ADH4: variants seen among roughly 807,000 people sequenced by gnomAD.
ADH4 encodes all-trans-retinol dehydrogenase [NAD(+)] ADH4.
Under a neutral mutation model 35.2 loss-of-function variants are expected in ADH4, and 31 were observed. The ratio of observed to expected loss-of-function variants is 0.88; its 90% confidence interval spans 0.66 to 1.19. The LOEUF (loss-of-function observed/expected upper bound fraction) is 1.19, where lower values mean the gene tolerates loss of function less well. Among genes scored for constraint, ADH4 ranks in the 50% most tolerant of loss-of-function variants. The pLI is 0.00. For missense variants in ADH4, 476 were observed against 458.3 expected, an observed-to-expected ratio of 1.04 and a Z score of -0.35; for synonymous variants, 171 against 160.2, an observed-to-expected ratio of 1.07 and a Z score of -0.51.
intron 4 of ADH4, 67 bp downstream of exon 4, chr4:99,138,994 A>T: frequency 8.3e-7 from 1 of 1,206,068 alleles, no homozygotes; most frequent in Non-Finnish European, 1.2e-6. Context: ...CCATTTAGGT[A>T]ATGTCAATAT....
chr4:99,137,694 A>T (rs1250830990), intron 4 of ADH4, among the ~76,000 whole-genome samples: 1 of 152,140 alleles, frequency 6.6e-6, no homozygotes, highest in Non-Finnish European at 1.5e-5. Context: ...AGCATAATGA[A>T]CCCTTATGTG....
chr4:99,139,570 A>T (rs767473475), intron 3 of ADH4, among the ~76,000 whole-genome samples: 5 of 152,162 alleles, frequency 3.3e-5, no homozygotes, highest in Non-Finnish European at 7.4e-5. Flanking sequence ...TTCACTTTCA[A>T]ATTCCACATT....
At chr4:99,137,291 C>T (rs896407157) in intron 4 of ADH4, among the ~76,000 whole-genome samples, 2 of 152,074 alleles carry the variant, frequency 1.3e-5, no homozygotes, top group Admixed American at 1.3e-4. Flanking sequence ...CCAGGCCCGG[C>T]TAATTTTTGT....
At chr4:99,127,105 A>G in intron 7 of ADH4, 104 bp downstream of exon 7, 2 of 917,844 alleles carry the variant, frequency 2.2e-6, no homozygotes, top group South Asian at 4.0e-5. Flanking sequence ...TAGGGATTCA[A>G]TGGTTGAATA....
chr4:99,132,499 A>G (rs1166704799), intron 5 of ADH4, among the ~76,000 whole-genome samples: 1 of 137,304 alleles, frequency 7.3e-6, no homozygotes, highest in African/African-American at 2.8e-5. Flanking sequence ...TATATAATTT[A>G]TAACCTGCCT....
At position 99,139,103 on chromosome 4, in the gene ADH4, T is replaced by C; in HGVS notation, c.308A>G (p.Lys103Arg). 1 of 1,613,530 alleles carries C rather than the reference T, an allele frequency of 6.2e-7. No homozygotes were observed. The highest frequency in any genetic ancestry group is 8.5e-7 in the Non-Finnish European group (1 of 1,179,720). Residue 103 changes from lysine (K) to arginine (R), a missense_variant, in exon 4 of 9, where the codon AAG (lysine) becomes AGG (arginine). Coordinates refer to ENST00000265512, the MANE Select transcript of ADH4 (RefSeq NM_000670.5). ...PLYAPLCRKCKFCLSPLTNLC... is the reference protein window; with the variant it reads ...PLYAPLCRKCRFCLSPLTNLC... ...ATTTGTGAGTGGACTCAGACAAAAC[T>C]TGCATTTTCTACATAGAGGTGCATA...
intron 8 of ADH4, among the ~76,000 whole-genome samples, chr4:99,125,492 G>A (rs1729059382): frequency 6.6e-6 from 1 of 152,142 alleles, no homozygotes; most frequent in Non-Finnish European, 1.5e-5. Context: ...TTGTGTTCGA[G>A]GATATGAATA....
At chr4:99,135,106 AT>A (rs1389219693) in intron 5 of ADH4, among the ~76,000 whole-genome samples, 4 of 152,130 alleles carry the variant, frequency 2.6e-5, no homozygotes, top group African/African-American at 9.7e-5. Context: ...GGACAAAAAA[AT>A]AAATGGGAGA....
intron 8 of ADH4, 47 bp downstream of exon 8, chr4:99,126,547 C>T (rs778841574): frequency 9.8e-6 from 15 of 1,523,654 alleles, no homozygotes; most frequent in Non-Finnish European, 1.3e-5. Context: ...AAGATAGAAT[C>T]ATTGTAAACG....
chr4:99,138,859 CT>C (rs1246637427), intron 4 of ADH4, among the ~76,000 whole-genome samples: 2 of 152,132 alleles, frequency 1.3e-5, no homozygotes, highest in Non-Finnish European at 2.9e-5. Flanking sequence ...TTTTAAATTG[CT>C]TACTCTAATA....
intron 4 of ADH4, among the ~76,000 whole-genome samples, chr4:99,137,259 C>T (rs898356822): frequency 5.9e-5 from 9 of 152,158 alleles, no homozygotes. Flanking sequence ...TCCCGAGTAG[C>T]TGGGACTACA....
rs180913338 is a variant in ADH4 at position 99,136,467 on chromosome 4, T to C, written c.581A>G (p.Lys194Arg). The change falls in exon 5 of 9, where the codon AAG becomes AGG. Residue 194 changes from lysine to arginine, a missense_variant and splice_region_variant. Physicochemically the swap from Lys to Arg is conservative, Grantham distance 26. Coordinates refer to ENST00000265512, the MANE Select transcript of ADH4 (RefSeq NM_000670.5). The part of the protein sequence containing the change: ...TGYGAAINNA[K>R]VTPGSTCAVF... ...ACAAACTGGTGTTTAACCATTTACCTTGGCATTGTTGATTGCAGCCCCATA... is the reference window on the plus strand; with the variant it reads ...ACAAACTGGTGTTTAACCATTTACCCTGGCATTGTTGATTGCAGCCCCATA... The C allele has an allele frequency of 2.5e-6, 4 of 1,613,202 alleles. No homozygotes were observed. The East Asian group carries it at 8.9e-5, about 36-fold the overall frequency.
chr4:99,139,725 A>C (rs1431402797), intron 3 of ADH4, among the ~76,000 whole-genome samples: 2 of 152,170 alleles, frequency 1.3e-5, no homozygotes, highest in Non-Finnish European at 2.9e-5. Context: ...TCAGAACTTA[A>C]TTCTCAGAGC....
At chr4:99,143,073 T>C (rs1729682670) in intron 1 of ADH4, 2 of 695,954 alleles carry the variant, frequency 2.9e-6, no homozygotes, top group Non-Finnish European at 5.2e-6. Flanking sequence ...TTTTTCCCTC[T>C]ATAACAGAGA....
In ADH4 at chr4:99,141,406, C is replaced by T. The variant is rs1352404150; in HGVS notation, c.262+135G>A. 5.0e-6 allele frequency: 4 copies of T among 801,358 alleles called. No homozygotes were observed. The Admixed American group carries it at 8.9e-5, about 18-fold the overall frequency. 49.6% of individuals were successfully genotyped at this position (801,358 alleles called of 1,614,324 possible). A position where few individuals can be genotyped will look rare whatever the true frequency, so the allele number is the denominator to read the frequency against. ...ATTGCTAGACTGTGATAAATTGTGT[C>T]TCTCGTTTTACTTTGGAAAAGATGG... On this transcript the variant is annotated intron_variant, in intron 3 of 8. Transcript: ENST00000265512.
At chr4:99,139,318 A>G (rs1280524788) in intron 3 of ADH4, among the ~76,000 whole-genome samples, 170 bp from the exon 4 acceptor site, 1 of 152,156 alleles carries the variant, frequency 6.6e-6, no homozygotes, top group African/African-American at 2.4e-5. Flanking sequence ...TCCCCAACGT[A>G]TTGCATATAT....
At chr4:99,135,873 C>G (rs1307360534) in intron 5 of ADH4, among the ~76,000 whole-genome samples, 1 of 152,164 alleles carries the variant, frequency 6.6e-6, no homozygotes, top group Non-Finnish European at 1.5e-5. Context: ...TTTGATGTCT[C>G]TCTAGTTCTA....
chr4:99,132,195 T>G (rs1301355515), intron 5 of ADH4, among the ~76,000 whole-genome samples: 6 of 152,226 alleles, frequency 3.9e-5, no homozygotes, highest in Admixed American at 6.5e-5. Flanking sequence ...CAGTTTGGAA[T>G]GAAGTCCAAT....
intron 8 of ADH4, among the ~76,000 whole-genome samples, chr4:99,126,003 C>CA (rs200876430): frequency 0.032 from 2,153 of 67,264 alleles, 26 homozygotes; most frequent in Non-Finnish European, 0.042. Context: ...CTTACTAATC[C>CA]CCCAACCCCT....
Sources: allele counts gnomAD v4.1 joint callset (sites outside exome capture counted in the v4.1 genomes callset), GRCh38; gene constraint gnomAD v4.1.1; transcripts MANE v1.5; gene names NCBI Gene and HGNC (gene_info 2026-07-23, HGNC 2026-07-21).